Variants in KCNAB1 observed in about 807,000 individuals in gnomAD.
KCNAB1 encodes voltage-gated potassium channel subunit beta-1.
In KCNAB1, 35 loss-of-function variants were observed where a neutral mutation model predicts 64.6. That is an observed-to-expected ratio of 0.54 (90% CI 0.41 to 0.72). The LOEUF is 0.72. Among genes scored for constraint, KCNAB1 ranks in the 30% least tolerant of loss-of-function variants. The probability of loss-of-function intolerance (pLI) is 0.00; values close to 1 mark genes in which losing one functional copy is unlikely to be tolerated. For synonymous variants in KCNAB1, 177 were observed against 183.8 expected, an observed-to-expected ratio of 0.96 and a Z score of 0.30; for missense variants, 401 against 512.9, an observed-to-expected ratio of 0.78 and a Z score of 2.11.
intron 1 of KCNAB1, among the ~76,000 whole-genome samples, chr3:156,246,015 C>G (rs6802611): frequency 0.067 from 10,131 of 152,064 alleles, 1,164 homozygotes; most frequent in African/African-American, 0.23. Flanking sequence ...GAATCACATT[C>G]TCTTCTTGGA....
At chr3:156,130,944 A>G (rs1181053452) in intron 1 of KCNAB1, among the ~76,000 whole-genome samples, 2 of 152,252 alleles carry the variant, frequency 1.3e-5, no homozygotes, top group African/African-American at 2.4e-5. Flanking sequence ...AACTGTTTCC[A>G]TCGAAAGAGC....
chr3:156,372,015 C>G (rs565246359), intron 1 of KCNAB1, among the ~76,000 whole-genome samples: 1 of 152,044 alleles, frequency 6.6e-6, no homozygotes, highest in Admixed American at 6.6e-5. Context: ...AGTCATCAGC[C>G]GTCGCCCGAG....
intron 1 of KCNAB1, among the ~76,000 whole-genome samples, chr3:156,387,092 A>G (rs933622997): frequency 7.5e-5 from 11 of 147,546 alleles, no homozygotes; most frequent in Non-Finnish European, 5.9e-5. Flanking sequence ...TTCAAATTGA[A>G]AAGTACTATG....
intron 1 of KCNAB1, among the ~76,000 whole-genome samples, chr3:156,229,271 A>G (rs923024244): frequency 6.6e-6 from 1 of 152,016 alleles, no homozygotes; most frequent in Non-Finnish European, 1.5e-5. Flanking sequence ...GGAAACTTAT[A>G]ATTATGGTGG....
chr3:156,350,545 G>A (rs1724790863), intron 1 of KCNAB1, among the ~76,000 whole-genome samples: 2 of 151,796 alleles, frequency 1.3e-5, no homozygotes, highest in African/African-American at 2.4e-5. Flanking sequence ...TTCCTCACAG[G>A]GAAAAATTCT....
At position 156,358,255 on chromosome 3, in the gene KCNAB1, C is replaced by T. The variant is rs77909678; in HGVS notation, c.276-63361C>T. Among the ~76,000 whole-genome samples the T allele has an allele frequency of 6.1e-3, 923 of 152,216 alleles. 10 individuals carry two copies. The highest frequency in any genetic ancestry group is 0.02 in the African/African-American group (829 of 41,530). On this transcript the variant is annotated intron_variant, in intron 1 of 13. Coordinates refer to ENST00000490337, the MANE Select transcript of KCNAB1 (RefSeq NM_172160.3). ...GGCTTGAGAATTTTTTTGATTACTT[C>T]GTATCATCCCTCCACTTGAAACAAA...
chr3:156,330,618 G>T (rs535279332), intron 1 of KCNAB1, among the ~76,000 whole-genome samples: 1 of 152,232 alleles, frequency 6.6e-6, no homozygotes, highest in East Asian at 1.9e-4. Flanking sequence ...ATTCTGTTCT[G>T]GTTGTCACTA....
chr3:156,323,614 G>A (rs993741733), intron 1 of KCNAB1, among the ~76,000 whole-genome samples: 5 of 152,174 alleles, frequency 3.3e-5, no homozygotes, highest in Admixed American at 1.3e-4. Context: ...AAGAGAGGAT[G>A]TGAGGTGTTT....
intron 1 of KCNAB1, among the ~76,000 whole-genome samples, chr3:156,137,021 C>CT (rs113182501): frequency 0.02 from 2,921 of 149,210 alleles, 85 homozygotes; most frequent in African/African-American, 0.068. Flanking sequence ...TCATTTTTTT[C>CT]TTTTTTTTTT....
intron 1 of KCNAB1, among the ~76,000 whole-genome samples, chr3:156,417,732 A>AAAAAAAAAAAAAAAAAAAAAG (rs536216164): frequency 8.6e-5 from 13 of 151,926 alleles, no homozygotes; most frequent in African/African-American, 3.1e-4. Context: ...AAAAAAAAAA[A>AAAAAAAAAAAAAAAAAAAAAG]GCCTGGTGGC....
At chr3:156,204,765 G>C (rs576181458) in intron 1 of KCNAB1, among the ~76,000 whole-genome samples, 2 of 152,058 alleles carry the variant, frequency 1.3e-5, no homozygotes, top group Non-Finnish European at 2.9e-5. Flanking sequence ...CCCAGGAGCC[G>C]GAGGTTGCAA....
chr3:156,158,180 AAATAAAT>A (rs1274476210), intron 1 of KCNAB1, among the ~76,000 whole-genome samples: 17,351 of 60,460 alleles, frequency 0.29, 1,928 homozygotes, highest in Admixed American at 0.45. Flanking sequence ...AAAAAATAAA[AAATAAAT>A]AAATAAATAA....
At chr3:156,261,430 G>A (rs941612550) in intron 1 of KCNAB1, among the ~76,000 whole-genome samples, 3 of 151,744 alleles carry the variant, frequency 2.0e-5, no homozygotes, top group Non-Finnish European at 4.4e-5. Flanking sequence ...TTGAGGGAAG[G>A]GCCTAAGTAA....
chr3:156,313,274 AT>A (rs891703132), intron 1 of KCNAB1, among the ~76,000 whole-genome samples: 1 of 152,158 alleles, frequency 6.6e-6, no homozygotes, highest in Non-Finnish European at 1.5e-5. Context: ...TTCTGAAAAC[AT>A]TTCCTCCCAC....
At chr3:156,311,758 TC>T (rs1264828854) in intron 1 of KCNAB1, among the ~76,000 whole-genome samples, 2 of 152,170 alleles carry the variant, frequency 1.3e-5, no homozygotes, top group African/African-American at 4.8e-5. Flanking sequence ...AGGAAGTTAT[TC>T]CAAACCTCTG....
chr3:156,210,832 T>TG, intron 1 of KCNAB1, among the ~76,000 whole-genome samples: 1 of 152,332 alleles, frequency 6.6e-6, no homozygotes, highest in Non-Finnish European at 1.5e-5. Context: ...ATTGCCCTTC[T>TG]GGAAAAATCC....
At chr3:156,209,187 G>T (rs1714861138) in intron 1 of KCNAB1, among the ~76,000 whole-genome samples, 1 of 152,168 alleles carries the variant, frequency 6.6e-6, no homozygotes, top group Non-Finnish European at 1.5e-5. Flanking sequence ...ACACAGTTTG[G>T]CTTGGTGGAA....
At chr3:156,510,277 T>A (rs1334567620) in intron 8 of KCNAB1, among the ~76,000 whole-genome samples, 1 of 152,196 alleles carries the variant, frequency 6.6e-6, no homozygotes, top group Non-Finnish European at 1.5e-5. Context: ...CTTTTACACT[T>A]GGTTCACAGT....
intron 1 of KCNAB1, among the ~76,000 whole-genome samples, chr3:156,281,307 G>T (rs1489478975): frequency 6.6e-6 from 1 of 152,140 alleles, no homozygotes; most frequent in Non-Finnish European, 1.5e-5. Context: ...GCATCCCAGG[G>T]ATAAAGCCCA....
Sources: allele counts gnomAD v4.1 joint callset (sites outside exome capture counted in the v4.1 genomes callset), GRCh38; gene constraint gnomAD v4.1.1; transcripts MANE v1.5; gene names NCBI Gene and HGNC (gene_info 2026-07-23, HGNC 2026-07-21).